The following ACAP2 variants were observed in gnomAD, a reference collection of about 807,000 sequenced individuals.
ACAP2 encodes ArfGAP with coiled-coil, ankyrin repeat and PH domains 2, also known as arf-GAP with coiled-coil, ANK repeat and PH domain-containing protein 2.
Under a neutral mutation model 115.8 loss-of-function variants are expected in ACAP2, and 39 were observed. The ratio of observed to expected loss-of-function variants is 0.34; its 90% CI spans 0.26 to 0.44. The LOEUF (loss-of-function observed/expected upper bound fraction) is 0.44, where lower values mean the gene tolerates loss of function less well. Among genes scored for constraint, ACAP2 ranks in the 20% least tolerant of loss-of-function variants. The pLI is 1.00. For missense variants in ACAP2, 662 were observed against 927.6 expected, an observed-to-expected ratio of 0.71 and a Z score of 3.72; for synonymous variants, 289 against 315.8, an observed-to-expected ratio of 0.92 and a Z score of 0.90.
At chr3:195,432,329 T>A (rs540071498) in intron 1 of ACAP2, among the ~76,000 whole-genome samples, 9 of 152,344 alleles carry the variant, frequency 5.9e-5, no homozygotes, top group Admixed American at 5.9e-4. Context: ...AGGTCTTCCA[T>A]GCAGGCCTGT....
intron 1 of ACAP2, among the ~76,000 whole-genome samples, chr3:195,437,534 G>A (rs1715636123): frequency 6.6e-6 from 1 of 152,098 alleles, no homozygotes; most frequent in South Asian, 2.1e-4. Context: ...ACATTTTTGA[G>A]TCTGGTCGAG....
intron 12 of ACAP2, 82 bp downstream of exon 12, chr3:195,307,141 C>T (rs1268789723): frequency 1.8e-6 from 2 of 1,123,554 alleles, no homozygotes; most frequent in South Asian, 2.9e-5. Flanking sequence ...CAGACAAATG[C>T]AAATTTCTCT....
At position 195,291,737 on chromosome 3, in the gene ACAP2, A is replaced by G; in HGVS notation, c.2032T>C (p.Leu678=). The change falls in exon 20 of 23, where the codon TTG becomes CTG. Residue 678 remains leucine, a synonymous_variant. Transcript: ENST00000326793. The part of the protein sequence containing the change: ...NQRDVQGRGP[L]HHATVLGHTG... ...TGCCCTAAGACGGTGGCATGGTGCA[A>G]TGGTCCCCGCCCTTGGACATCTCTT... 6.2e-7 allele frequency: 1 copy of G among 1,614,050 alleles called. No homozygotes were observed. Among genetic ancestry groups the G allele is most frequent in the East Asian group, 2.2e-5 (1 of 44,866 alleles).
At chr3:195,321,005 T>A (rs1440812699) in intron 9 of ACAP2, among the ~76,000 whole-genome samples, 192 bp from the exon 10 acceptor site, 1 of 152,106 alleles carries the variant, frequency 6.6e-6, no homozygotes, top group African/African-American at 2.4e-5. Flanking sequence ...TTAAAGTATT[T>A]GACTTTAGTG....
At chr3:195,314,344 G>A (rs1728955469) in intron 10 of ACAP2, among the ~76,000 whole-genome samples, 1 of 151,724 alleles carries the variant, frequency 6.6e-6, no homozygotes, top group African/African-American at 2.4e-5. Context: ...TCGGCTCACT[G>A]CAACCTCTGC....
intron 4 of ACAP2, among the ~76,000 whole-genome samples, chr3:195,379,724 A>G (rs1733821415): frequency 6.6e-6 from 1 of 152,220 alleles, no homozygotes. Flanking sequence ...GGATCACTTA[A>G]GCCTGGGAGT....
chr3:195,321,621 C>T (rs6437469), intron 9 of ACAP2, among the ~76,000 whole-genome samples: 69 of 139,842 alleles, frequency 4.9e-4, no homozygotes, highest in East Asian at 6.3e-4. Context: ...TTTTTTTTTT[C>T]TTTTTTTTTT....
At chr3:195,374,929 C>T (rs544765606) in intron 4 of ACAP2, among the ~76,000 whole-genome samples, 2 of 152,108 alleles carry the variant, frequency 1.3e-5, no homozygotes, top group Admixed American at 1.3e-4. Context: ...TACTGGCTCA[C>T]TCGTGTAATC....
intron 9 of ACAP2, among the ~76,000 whole-genome samples, chr3:195,321,769 T>G (rs1171632770): frequency 6.6e-6 from 1 of 151,636 alleles, no homozygotes; most frequent in Non-Finnish European, 1.5e-5. Flanking sequence ...TTTGCCACCA[T>G]GCCCAGCTAA....
intron 1 of ACAP2, among the ~76,000 whole-genome samples, chr3:195,413,638 C>G (rs552427394): frequency 3.3e-5 from 5 of 152,052 alleles, no homozygotes; most frequent in African/African-American, 4.8e-5. Context: ...ATCCCAGGTA[C>G]TCAGGAGGCT....
Position 195,442,887 on chromosome 3 carries a change from G to A in ACAP2, c.-40C>T. ...GCAGGCGGCGCTGGCAAAGCCGAGGGGGCCGCGGGAGCGGCCGCGCTGGGA... is the reference window on the plus strand; with the variant it reads ...GCAGGCGGCGCTGGCAAAGCCGAGGAGGCCGCGGGAGCGGCCGCGCTGGGA... On this transcript the variant is annotated 5_prime_UTR_variant, in exon 1 of 23. Coordinates refer to ENST00000326793, the MANE Select transcript of ACAP2 (RefSeq NM_012287.6). 2 of 1,496,512 alleles carry A rather than the reference G, an allele frequency of 1.3e-6. No homozygotes were observed. The highest frequency in any genetic ancestry group is 1.3e-5 in the South Asian group (1 of 78,854). 92.7% of individuals were successfully genotyped at this position (1,496,512 alleles called of 1,614,324 possible).
At chr3:195,419,019 TATG>T (rs1331853500) in intron 1 of ACAP2, among the ~76,000 whole-genome samples, 8 of 152,208 alleles carry the variant, frequency 5.3e-5, no homozygotes, top group Non-Finnish European at 4.4e-5. Flanking sequence ...TTCCTTTTTT[TATG>T]ATATTAGCCC....
chr3:195,288,274 T>C (rs1408329594), intron 21 of ACAP2, among the ~76,000 whole-genome samples: 1 of 152,228 alleles, frequency 6.6e-6, no homozygotes, highest in Admixed American at 6.5e-5. Context: ...TGGCTTGGCT[T>C]CTTTTTCTAT....
chr3:195,281,329 C>T (rs908340480), intron 22 of ACAP2, among the ~76,000 whole-genome samples: 10 of 151,796 alleles, frequency 6.6e-5, no homozygotes, highest in African/African-American at 1.9e-4. Flanking sequence ...GGTGTGAACC[C>T]GGGAGGCAGA....
chr3:195,357,488 T>C (rs1452997050), intron 4 of ACAP2, among the ~76,000 whole-genome samples: 2 of 152,076 alleles, frequency 1.3e-5, no homozygotes, highest in East Asian at 3.8e-4. Flanking sequence ...AGAACACAGC[T>C]TGCAGCCAGG....
intron 10 of ACAP2, among the ~76,000 whole-genome samples, chr3:195,314,244 TA>T (rs1728946093): frequency 6.6e-6 from 1 of 151,858 alleles, no homozygotes; most frequent in Non-Finnish European, 1.5e-5. Context: ...AAGCGTATCT[TA>T]TTTATGGGAG....
chr3:195,384,858 GTAT>G (rs1183122614), intron 2 of ACAP2, among the ~76,000 whole-genome samples: 1 of 152,098 alleles, frequency 6.6e-6, no homozygotes, highest in Non-Finnish European at 1.5e-5. Flanking sequence ...TACATAGGTG[GTAT>G]TATGCAACAA....
At chr3:195,432,926 TTTTC>T (rs200155375) in intron 1 of ACAP2, among the ~76,000 whole-genome samples, 2,790 of 152,326 alleles carry the variant, frequency 0.018, 79 homozygotes, top group African/African-American at 0.062. Context: ...GACAGATTGG[TTTTC>T]TTTGTTAGTA....
chr3:195,430,708 C>T (rs1715051052), intron 1 of ACAP2, among the ~76,000 whole-genome samples: 1 of 151,624 alleles, frequency 6.6e-6, no homozygotes, highest in African/African-American at 2.4e-5. Context: ...GAGTGTGACC[C>T]TGTCTCAACT....
Sources: gnomAD v4.1 joint callset for allele counts (sites outside exome capture counted in the v4.1 genomes callset) on GRCh38, gnomAD v4.1.1 for gene constraint, MANE v1.5 for transcripts, NCBI Gene and HGNC (gene_info 2026-07-23, HGNC 2026-07-21) for gene names.